POLR1C: variants seen among roughly 807,000 people sequenced by gnomAD.
The protein encoded by POLR1C is RNA polymerase I and III subunit C.
POLR1C carries 42 observed loss-of-function variants against 38.3 expected under a neutral mutation model. The observed-to-expected ratio is 1.10, with a 90% CI of 0.86 to 1.42. The LOEUF (loss-of-function observed/expected upper bound fraction) is 1.42. Among genes scored for constraint, POLR1C ranks in the 40% most tolerant of loss-of-function variants. POLR1C has a pLI of 0.00. For missense variants in POLR1C, 507 were observed against 450.5 expected (o/e 1.13, Z -1.14); for synonymous variants, 163 against 163.9 (o/e 0.99, Z 0.04).
intron 10 of POLR1C, among the ~76,000 whole-genome samples, chr6:43,557,426 A>AC (rs1762158022): frequency 6.8e-6 from 1 of 147,398 alleles, no homozygotes; most frequent in Non-Finnish European, 1.5e-5. Flanking sequence ...ACTCCATCTC[A>AC]AAAAAAAAAG....
chr6:43,537,063 C>T (rs180910145), intron 9 of POLR1C, among the ~76,000 whole-genome samples: 549 of 152,130 alleles, frequency 3.6e-3, no homozygotes, highest in Admixed American at 5.4e-3. Context: ...AACTCCTGGG[C>T]TCAAGTGGCC....
chr6:43,546,848 A>C, intron 9 of POLR1C: 6 of 1,199,916 alleles, frequency 5.0e-6, no homozygotes, highest in African/African-American at 1.6e-5. Context: ...CAAAAGTGAC[A>C]CAGAGGCCAG....
At position 43,521,049 on chromosome 6, in the gene POLR1C, G is replaced by A; in HGVS notation, c.922+1G>A. The A allele has an allele frequency of 1.2e-6, 2 of 1,611,918 alleles. No homozygotes were observed. Among genetic ancestry groups the A allele is most frequent in the Non-Finnish European group, 1.7e-6 (2 of 1,177,916 alleles). Reference sequence around the variant, plus strand: ...GCCCGGGTTCGAGATCATTATATCTGTGAGTATGAAGTGGTGAGATGAGTG... The same window carrying A: ...GCCCGGGTTCGAGATCATTATATCTATGAGTATGAAGTGGTGAGATGAGTG... On this transcript the variant is annotated splice_donor_variant, in intron 8 of 8. Coordinates refer to ENST00000642195, the MANE Select transcript of POLR1C (RefSeq NM_203290.4). LOFTEE classifies it high-confidence loss of function.
At chr6:43,540,428 G>A (rs148093093) in intron 9 of POLR1C, among the ~76,000 whole-genome samples, 1,907 of 152,170 alleles carry the variant, frequency 0.013, 40 homozygotes, top group African/African-American at 0.044. Flanking sequence ...GCAGTGAGCC[G>A]AGATGGCGCC....
intron 8 of POLR1C, chr6:43,529,068 T>C: frequency 9.0e-7 from 1 of 1,107,526 alleles, no homozygotes. Flanking sequence ...GAAAAAATCT[T>C]AAAGTTCTTT....
chr6:43,527,569 G>T, intron 8 of POLR1C: 1 of 1,539,314 alleles, frequency 6.5e-7, no homozygotes, highest in Non-Finnish European at 9.0e-7. Flanking sequence ...TCATGGAGTT[G>T]GCTGAGCGAC....
intron 9 of POLR1C, among the ~76,000 whole-genome samples, chr6:43,544,976 G>A (rs974965432): frequency 5.3e-5 from 8 of 152,174 alleles, no homozygotes; most frequent in Middle Eastern, 3.4e-3. Flanking sequence ...GGGTTCAAGC[G>A]ATTCTCCTGC....
intron 10 of POLR1C, chr6:43,553,324 G>A (rs773553541): frequency 1.4e-5 from 22 of 1,568,482 alleles, no homozygotes; most frequent in Non-Finnish European, 1.9e-5. Context: ...GAAAAGAAAA[G>A]AAAAAGGTCA....
intron 8 of POLR1C, chr6:43,527,510 A>G: frequency 1.1e-6 from 1 of 915,200 alleles, no homozygotes; most frequent in Non-Finnish European, 1.7e-6. Flanking sequence ...TTGACCTCGC[A>G]ATCCACCATG....
chr6:43,538,181 G>A (rs1232531481), intron 9 of POLR1C, among the ~76,000 whole-genome samples: 1 of 97,424 alleles, frequency 1.0e-5, no homozygotes, highest in African/African-American at 4.3e-5. Flanking sequence ...ACAGAGATTT[G>A]CTCTGTCGCT....
At chr6:43,543,618 C>T (rs1794812417) in intron 9 of POLR1C, among the ~76,000 whole-genome samples, 1 of 152,080 alleles carries the variant, frequency 6.6e-6, no homozygotes, top group Non-Finnish European at 1.5e-5. Context: ...TACACACACT[C>T]ACAAGTTAAG....
In POLR1C at chr6:43,547,694, C is replaced by T. The variant is rs1191042961; in HGVS notation, c.*5-3274C>T. 59 of 1,613,846 alleles carry T rather than the reference C, an allele frequency of 3.7e-5. No homozygotes were observed. The highest frequency in any genetic ancestry group is 4.8e-5 in the Non-Finnish European group (57 of 1,179,872). On this transcript the variant is annotated intron_variant, in intron 9 of 10. Transcript: ENST00000607635. ...CCCACATACGCAATGAAAGCATCAA[C>T]ATCTGACAGCACTCTGAAGGTTGGA...
At chr6:43,519,578 C>A in intron 3 of POLR1C, 128 bp from the exon 4 acceptor site, 1 of 1,482,972 alleles carries the variant, frequency 6.7e-7, no homozygotes, top group Non-Finnish European at 9.4e-7. Context: ...CCTTCTCATT[C>A]TTTGTAAATT....
intron 9 of POLR1C, among the ~76,000 whole-genome samples, chr6:43,538,260 G>A (rs568837971): frequency 1.1e-4 from 15 of 140,182 alleles, no homozygotes; most frequent in Admixed American, 7.9e-5. Flanking sequence ...AGTGATTCTC[G>A]TGCCTCAGCC....
chr6:43,520,083 GAGAT>G lies in POLR1C; in HGVS notation c.406_409del (p.Asp136LeufsTer28), dbSNP rs1342828147. The G allele has an allele frequency of 1.1e-5, 18 of 1,614,224 alleles. No individual in the cohort carries two copies. Among genetic ancestry groups the G allele is most frequent in the South Asian group, 4.4e-5 (4 of 91,082 alleles). On this transcript the variant is annotated frameshift_variant, in exon 5 of 9. Coordinates refer to ENST00000642195, the MANE Select transcript of POLR1C (RefSeq NM_203290.4). LOFTEE classifies it high-confidence loss of function. ...TTGTGCAGGAGATGAAGAAGGCACA[GAGAT>G]AGATACTCTACAGTTTCGTCTCCAG...
At chr6:43,545,900 T>C (rs1246302509) in intron 9 of POLR1C, among the ~76,000 whole-genome samples, 1 of 152,200 alleles carries the variant, frequency 6.6e-6, no homozygotes, top group Non-Finnish European at 1.5e-5. Context: ...TCATGTGATC[T>C]AAAACAGTGA....
At chr6:43,549,999 T>C in intron 9 of POLR1C, 1 of 1,539,442 alleles carries the variant, frequency 6.5e-7, no homozygotes, top group East Asian at 2.3e-5. Context: ...TCTTGCTATG[T>C]TGCCCAGACT....
At chr6:43,553,576 GAC>G (rs1346309296) in intron 10 of POLR1C, 2 of 1,500,246 alleles carry the variant, frequency 1.3e-6, no homozygotes, top group African/African-American at 2.8e-5. Context: ...GATCGCAGAA[GAC>G]ACAGAGAGAC....
At chr6:43,528,393 C>T (rs1793733799) in intron 8 of POLR1C, among the ~76,000 whole-genome samples, 1 of 152,114 alleles carries the variant, frequency 6.6e-6, no homozygotes, top group South Asian at 2.1e-4. Flanking sequence ...TATCCCACAT[C>T]CCTGATGAAG....
Sources: gnomAD v4.1 joint callset for allele counts (sites outside exome capture counted in the v4.1 genomes callset) on GRCh38, gnomAD v4.1.1 for gene constraint, MANE v1.5 for transcripts, NCBI Gene and HGNC (gene_info 2026-07-23, HGNC 2026-07-21) for gene names.